Variants in TBC1D22A observed in about 807,000 individuals in gnomAD.
TBC1D22A encodes putative GTPase activator.
In TBC1D22A, 38 loss-of-function variants were observed where a neutral mutation model predicts 60.2. The observed-to-expected ratio is 0.63, with a 90% CI of 0.49 to 0.83. The LOEUF (loss-of-function observed/expected upper bound fraction) is 0.83. TBC1D22A is among the 40% of genes least tolerant of loss of function. The pLI, the probability that TBC1D22A is intolerant of heterozygous loss-of-function variation, is 0.00. For synonymous variants in TBC1D22A, 302 were observed against 281.7 expected, an observed-to-expected ratio of 1.07 and a Z score of -0.72; for missense variants, 628 against 701.0, an observed-to-expected ratio of 0.90 and a Z score of 1.18.
rs572606763 is a variant in TBC1D22A at position 46,793,778 on chromosome 22, C to T, written c.397C>T (p.Pro133Ser). 5.6e-6 allele frequency: 9 copies of T among 1,601,916 alleles called. No individual in the cohort carries two copies. The African/African-American group carries it at 8.0e-5, about 14-fold the overall frequency. The change falls in exon 3 of 13, where the codon CCC becomes TCC. Residue 133 changes from proline (P) to serine (S), a missense_variant. Transcript: ENST00000337137. ...KPRPEAEPPS[P>S]PSGDLRLVKS... is the part of the protein sequence containing the mutation. ...CAGGCCCGAGGCAGAGCCGCCCTCA[C>T]CCCCCAGCGGCGACCTCCGGCTGGT...
chr22:46,904,491 C>T (rs955929375), intron 7 of TBC1D22A, among the ~76,000 whole-genome samples: 4 of 133,804 alleles, frequency 3.0e-5, no homozygotes, highest in Admixed American at 7.4e-5. Context: ...TTTTTTGAGA[C>T]GGAGTCTTGC....
intron 8 of TBC1D22A, among the ~76,000 whole-genome samples, chr22:46,935,317 A>G (rs1282546808): frequency 1.3e-5 from 2 of 152,222 alleles, no homozygotes; most frequent in Non-Finnish European, 2.9e-5. Flanking sequence ...CAGGACTCTA[A>G]GTGATATCCT....
Position 47,173,716 on chromosome 22 carries a change from G to A in TBC1D22A, c.*90G>A, listed in dbSNP as rs549126150. 6.3e-7 allele frequency: 1 copy of A among 1,581,940 alleles called. No individual in the cohort carries two copies. Among genetic ancestry groups the A allele is most frequent in the Non-Finnish European group, 8.6e-7 (1 of 1,162,524 alleles). ...GTAGGCCCCTGTGAGCTGGTCCCGG[G>A]CTGCTAAAAGGCCTTGTGAGGTGGC... On this transcript the variant is annotated 3_prime_UTR_variant, in exon 13 of 13. Transcript: ENST00000337137.
intron 9 of TBC1D22A, among the ~76,000 whole-genome samples, chr22:46,974,850 C>A (rs545523219): frequency 6.6e-6 from 1 of 152,210 alleles, no homozygotes; most frequent in Admixed American, 6.5e-5. Flanking sequence ...GTGCGTGGGG[C>A]GCTGCAGCTG....
At chr22:46,937,850 A>G (rs2071748617) in intron 8 of TBC1D22A, among the ~76,000 whole-genome samples, 1 of 149,116 alleles carries the variant, frequency 6.7e-6, no homozygotes, top group Non-Finnish European at 1.5e-5. Context: ...TTGAAAAAGT[A>G]AAAAAAAAAA....
rs563265846 is a variant in TBC1D22A, at chr22:46,957,618, C to T, written c.1016-16672C>T. Among the ~76,000 whole-genome samples the T allele has an allele frequency of 5.1e-4, 77 of 152,332 alleles. No homozygotes were observed. The East Asian group carries it at 7.3e-3, about 14-fold the overall frequency. On this transcript the variant is annotated intron_variant, in intron 8 of 12. Transcript: ENST00000337137. Reference sequence around the variant, plus strand: ...CTTGGGTGGGGGCACAGAACCAAACCGTATCAAGTGCCTTGACTACCAGTC... The same window carrying T: ...CTTGGGTGGGGGCACAGAACCAAACTGTATCAAGTGCCTTGACTACCAGTC...
intron 8 of TBC1D22A, among the ~76,000 whole-genome samples, chr22:46,923,989 A>C (rs1309645649): frequency 6.6e-6 from 1 of 152,218 alleles, no homozygotes; most frequent in African/African-American, 2.4e-5. Context: ...TCAAACAGCG[A>C]CTGTCATATT....
chr22:47,117,006 G>A (rs1295632079), intron 12 of TBC1D22A: 1 of 153,228 alleles, frequency 6.5e-6, no homozygotes, highest in Non-Finnish European at 1.5e-5. Context: ...TCGGCAGGTG[G>A]GCAGGGACCA....
At position 47,049,339 on chromosome 22, in the gene TBC1D22A, C is replaced by A. The variant is rs201915263; in HGVS notation, c.1329+12141C>A. ...GGAAGTGTGGGAAAGAAGAAGCGGG[C>A]ATGGGCGCTGGGTTCACGTCCACAT... On this transcript the variant is annotated intron_variant, in intron 11 of 12. Transcript: ENST00000337137. Among the ~76,000 whole-genome samples the A allele has an allele frequency of 1.3e-5, 2 of 152,194 alleles. 1 individual carries two copies. The highest frequency in any genetic ancestry group is 4.1e-4 in the South Asian group (2 of 4,836).
Position 47,092,143 on chromosome 22 carries a change from G to T in TBC1D22A, c.1330-19365G>T, listed in dbSNP as rs535357158. 1.4e-4 allele frequency among the ~76,000 whole-genome samples: 22 copies of T among 152,248 alleles called. No homozygotes were observed. The East Asian group carries it at 2.3e-3, about 16-fold the overall frequency. On this transcript the variant is annotated intron_variant, in intron 11 of 12. Transcript: ENST00000337137. ...TTTCCACAAGAACAGAAGAGGGCAC[G>T]CTGTGTACCTGTGTCTCAGCTGTGC...
intron 12 of TBC1D22A, among the ~76,000 whole-genome samples, chr22:47,145,753 T>TA (rs1232694833): frequency 4.6e-5 from 7 of 152,236 alleles, no homozygotes; most frequent in African/African-American, 7.2e-5. Context: ...ACTCAGGTCT[T>TA]ACGTTCTTTT....
chr22:46,930,517 G>A (rs982401615), intron 8 of TBC1D22A, among the ~76,000 whole-genome samples: 13 of 151,928 alleles, frequency 8.6e-5, no homozygotes, highest in African/African-American at 2.9e-4. Context: ...GTGCAATGGC[G>A]CGATCTTGGC....
chr22:47,173,330 T>G (rs1234906168), intron 12 of TBC1D22A, among the ~76,000 whole-genome samples, 168 bp from the exon 13 acceptor site: 1 of 152,116 alleles, frequency 6.6e-6, no homozygotes, highest in East Asian at 1.9e-4. Flanking sequence ...GGTCACCTCC[T>G]CTGACCTGGG....
rs1004264996 is a variant in TBC1D22A, at chr22:46,811,841, A to G, written c.637+14221A>G. On this transcript the variant is annotated intron_variant, in intron 4 of 12. Coordinates refer to ENST00000337137, the MANE Select transcript of TBC1D22A (RefSeq NM_014346.5). ...AAGGTCTGGCCCGCCAGGTGAAGGC[A>G]TTCGATTTGAGGCAGCTGTGGTGCC... Among the ~76,000 whole-genome samples the G allele has an allele frequency of 2.6e-5, 4 of 152,198 alleles. No homozygotes were observed. In the South Asian group the frequency reaches 8.3e-4, roughly 31 times the overall value.
At chr22:47,051,866 C>T (rs1258076097) in intron 11 of TBC1D22A, among the ~76,000 whole-genome samples, 2 of 152,246 alleles carry the variant, frequency 1.3e-5, no homozygotes, top group East Asian at 1.9e-4. Flanking sequence ...CAGCGGTGCT[C>T]TCCTGGCCAC....
At chr22:47,002,601 G>C (rs539293350) in intron 10 of TBC1D22A, among the ~76,000 whole-genome samples, 1 of 152,344 alleles carries the variant, frequency 6.6e-6, no homozygotes, top group South Asian at 2.1e-4. Flanking sequence ...GATTTTTTCA[G>C]ATTTAAGAGT....
intron 11 of TBC1D22A, among the ~76,000 whole-genome samples, chr22:47,057,791 G>A (rs532233685): frequency 2.0e-4 from 30 of 152,152 alleles, no homozygotes; most frequent in African/African-American, 3.6e-4. Context: ...CCCATAACAC[G>A]TGGGGATTAT....
intron 12 of TBC1D22A, among the ~76,000 whole-genome samples, chr22:47,124,863 C>A (rs2066400039): frequency 6.6e-6 from 1 of 152,052 alleles, no homozygotes; most frequent in Admixed American, 6.5e-5. Context: ...CGCAGGGCCA[C>A]TGGGAGGACA....
At chr22:46,807,433 TG>T (rs1490753335) in intron 4 of TBC1D22A, among the ~76,000 whole-genome samples, 1 of 152,160 alleles carries the variant, frequency 6.6e-6, no homozygotes, top group East Asian at 1.9e-4. Context: ...CTGCTTTGCT[TG>T]GAGCTGTTTG....
Sources: allele counts gnomAD v4.1 joint callset (sites outside exome capture counted in the v4.1 genomes callset), GRCh38; gene constraint gnomAD v4.1.1; transcripts MANE v1.5; gene names NCBI Gene and HGNC (gene_info 2026-07-23, HGNC 2026-07-21).